TCERG1: variants seen among roughly 807,000 people sequenced by gnomAD.
The protein encoded by TCERG1 is transcription elongation regulator 1.
A neutral mutation model predicts 144.7 loss-of-function variants in TCERG1; 37 were observed. That is an observed-to-expected ratio of 0.26 (90% CI 0.20 to 0.34). The LOEUF (loss-of-function observed/expected upper bound fraction) is 0.34. Ranked by LOEUF, TCERG1 falls within the 10% of genes least tolerant of loss-of-function variation. The probability of loss-of-function intolerance (pLI) is 1.00; values close to 1 mark genes in which losing one functional copy is unlikely to be tolerated. For missense variants in TCERG1, 1,027 were observed against 1,380.7 expected, an observed-to-expected ratio of 0.74 and a Z score of 4.06; for synonymous variants, 492 against 458.2, an observed-to-expected ratio of 1.07 and a Z score of -0.94.
chr5:146,465,871 A>G (rs970768880), intron 5 of TCERG1, among the ~76,000 whole-genome samples: 2 of 152,096 alleles, frequency 1.3e-5, no homozygotes, highest in Non-Finnish European at 2.9e-5. Flanking sequence ...TCTACTAAAA[A>G]TACAAAATTA....
At chr5:146,478,803 A>G (rs1252566483) in intron 10 of TCERG1, 150 bp downstream of exon 10, 1 of 748,356 alleles carries the variant, frequency 1.3e-6, no homozygotes, top group Non-Finnish European at 2.0e-6. Flanking sequence ...TTTGAATGAA[A>G]TAATAGAGAT....
At chr5:146,510,080 A>G (rs1261547641) in intron 22 of TCERG1, 1 of 1,296,294 alleles carries the variant, frequency 7.7e-7, no homozygotes, top group East Asian at 5.4e-5. Flanking sequence ...ATTTAGTGAA[A>G]GATGTGAAAG....
chr5:146,479,813 A>G (rs371580275), intron 10 of TCERG1, 42 bp from the exon 11 acceptor site: 33 of 1,605,302 alleles, frequency 2.1e-5, no homozygotes, highest in Non-Finnish European at 2.3e-5. Flanking sequence ...TGTGAAATAT[A>G]TGCAAATGAC....
intron 1 of TCERG1, among the ~76,000 whole-genome samples, chr5:146,448,258 A>C (rs1581345205): frequency 6.6e-6 from 1 of 152,216 alleles, no homozygotes; most frequent in African/African-American, 2.4e-5. Context: ...GTCAGGTTTC[A>C]GAGCCTGCAA....
rs574667633 is a variant in TCERG1 at position 146,486,646 on chromosome 5, G to A, written c.2163+3017G>A. 1.2e-3 allele frequency among the ~76,000 whole-genome samples: 176 copies of A among 152,274 alleles called. 1 individual carries two copies. The highest frequency in any genetic ancestry group is 3.9e-3 in the African/African-American group (164 of 41,548). On this transcript the variant is annotated intron_variant, in intron 15 of 22. Transcript: ENST00000679501. ...AGTCAACATAGTGCTGGAAGTCTTAGCCAGAGCAATTAGGCAAGAGAAAGA... is the reference window on the plus strand; with the variant it reads ...AGTCAACATAGTGCTGGAAGTCTTAACCAGAGCAATTAGGCAAGAGAAAGA...
At chr5:146,457,119 A>G in intron 2 of TCERG1, 64 bp from the exon 3 acceptor site, 1 of 1,570,744 alleles carries the variant, frequency 6.4e-7, no homozygotes, top group Non-Finnish European at 8.7e-7. Flanking sequence ...TTTTGAATAG[A>G]ATTCAGTAAT....
Position 146,510,931 on chromosome 5 carries a change from G to C in TCERG1, c.*289G>C, listed in dbSNP as rs751878553. On this transcript the variant is annotated 3_prime_UTR_variant, in exon 23 of 23. Transcript: ENST00000679501. The stretch of plus-strand genomic sequence containing the variant: ...GTGTGGAAGTCAGTGACTTGGTGAC[G>C]TTCTTCCTAGCAGTGTTAATACATG... 3 of 227,540 alleles carry C rather than the reference G, an allele frequency of 1.3e-5. No individual in the cohort carries two copies. Among genetic ancestry groups the C allele is most frequent in the Non-Finnish European group, 1.7e-5 (2 of 117,150 alleles). 14.1% of individuals were successfully genotyped at this position (227,540 alleles called of 1,614,324 possible).
chr5:146,470,039 CATT>C (rs1764147184), intron 7 of TCERG1, among the ~76,000 whole-genome samples: 2 of 152,132 alleles, frequency 1.3e-5, no homozygotes, highest in African/African-American at 4.8e-5. Flanking sequence ...TTGTAATCAT[CATT>C]GAGATTGATA....
chr5:146,485,673 C>CATTT (rs1469086851), intron 15 of TCERG1, among the ~76,000 whole-genome samples: 6 of 151,922 alleles, frequency 3.9e-5, no homozygotes, highest in African/African-American at 2.4e-5. Context: ...GTTCTCATGC[C>CATTT]ATTTATTTAT....
Position 146,492,086 on chromosome 5 carries a change from A to AT in TCERG1, c.2164-832dup, listed in dbSNP as rs531026969. Among the ~76,000 whole-genome samples the AT allele has an allele frequency of 5.4e-4, 83 of 152,318 alleles. 1 individual carries two copies. The highest frequency in any genetic ancestry group is 1.9e-3 in the African/African-American group (81 of 41,578). On this transcript the variant is annotated intron_variant, in intron 15 of 22. Transcript: ENST00000679501. The stretch of plus-strand genomic sequence containing the variant: ...TTCAGAAGTGGCAGTGCCCAGAAAC[A>AT]TTAAGTTGGTGGGGGCATCTGGCAA...
chr5:146,482,857 G>C, intron 14 of TCERG1, 130 bp downstream of exon 14: 1 of 1,271,492 alleles, frequency 7.9e-7, no homozygotes, highest in Non-Finnish European at 1.0e-6. Flanking sequence ...TAAAATTACT[G>C]TACATTTTTT....
chr5:146,469,232 C>T (rs74952220), intron 6 of TCERG1, among the ~76,000 whole-genome samples: 1 of 152,026 alleles, frequency 6.6e-6, no homozygotes, highest in African/African-American at 2.4e-5. Flanking sequence ...GATTTCTATT[C>T]ATAAGTAGAG....
At chr5:146,463,378 T>C (rs1253970285) in intron 4 of TCERG1, among the ~76,000 whole-genome samples, 173 bp from the exon 5 acceptor site, 1 of 152,228 alleles carries the variant, frequency 6.6e-6, no homozygotes, top group Non-Finnish European at 1.5e-5. Flanking sequence ...TTCATTTTTG[T>C]ATTTCATTTA....
At chr5:146,458,284 C>A (rs1419588892) in intron 3 of TCERG1, among the ~76,000 whole-genome samples, 3 of 151,032 alleles carry the variant, frequency 2.0e-5, no homozygotes, top group Non-Finnish European at 4.4e-5. Context: ...TCAAGTGATT[C>A]TCCTTCCTCA....
At chr5:146,471,448 G>C (rs746588533) in intron 8 of TCERG1, 40 bp from the exon 9 acceptor site, 1 of 1,565,526 alleles carries the variant, frequency 6.4e-7, no homozygotes, top group Non-Finnish European at 8.7e-7. Context: ...TTCAGGTATT[G>C]TTAATGTGAT....
chr5:146,478,683 G>T, intron 10 of TCERG1, 30 bp downstream of exon 10: 2 of 1,526,774 alleles, frequency 1.3e-6, no homozygotes, highest in East Asian at 2.3e-5. Flanking sequence ...TTTATCCACT[G>T]ATTTTAACAT....
At chr5:146,470,244 CCTT>C (rs1764162786) in intron 7 of TCERG1, among the ~76,000 whole-genome samples, 1 of 152,160 alleles carries the variant, frequency 6.6e-6, no homozygotes, top group Non-Finnish European at 1.5e-5. Flanking sequence ...CTTAAGCAAT[CCTT>C]CTGCCTCAGC....
Position 146,459,045 on chromosome 5 carries a change from G to A in TCERG1, c.600G>A (p.Gln200=), listed in dbSNP as rs770990778. 5.6e-6 allele frequency: 9 copies of A among 1,603,350 alleles called. No individual in the cohort carries two copies. The highest frequency in any genetic ancestry group is 5.4e-5 in the African/African-American group (4 of 74,370). The part of the protein sequence containing the change: ...QAQAQAQAQA[Q]AQAQAQAQAQ... ...AGGCCCAGGCGCAGGCTCAGGCCCA[G>A]GCACAAGCTCAGGCCCAGGCTCAGG... is the stretch of plus-strand genomic sequence containing the variant. Residue 200 remains glutamine (Q), a synonymous_variant, in exon 4 of 23, where the codon CAG becomes CAA. Transcript: ENST00000679501.
At chr5:146,482,402 CA>C in intron 13 of TCERG1, 189 bp from the exon 14 acceptor site, 1 of 431,568 alleles carries the variant, frequency 2.3e-6, no homozygotes. Context: ...ATTAGAAGCC[CA>C]TTTTAATTTT....
Sources: gnomAD v4.1 joint callset for allele counts (sites outside exome capture counted in the v4.1 genomes callset) on GRCh38, gnomAD v4.1.1 for gene constraint, MANE v1.5 for transcripts, NCBI Gene and HGNC (gene_info 2026-07-23, HGNC 2026-07-21) for gene names.